OTUD7A: variants seen among roughly 807,000 people sequenced by gnomAD.
The protein encoded by OTUD7A is OTU deubiquitinase 7A, also known as OTU domain-containing protein 7A.
A neutral mutation model predicts 65.7 loss-of-function variants in OTUD7A; 12 were observed. The ratio of observed to expected loss-of-function variants is 0.18; its 90% confidence interval spans 0.12 to 0.30. OTUD7A has a LOEUF of 0.30. Ranked by LOEUF, OTUD7A falls within the 10% of genes least tolerant of loss-of-function variation. The probability of loss-of-function intolerance (pLI) is 1.00; values close to 1 mark genes in which losing one functional copy is unlikely to be tolerated. For synonymous variants in OTUD7A, 641 were observed against 586.3 expected (o/e 1.09, Z -1.35); for missense variants, 1,148 against 1,304.8 (o/e 0.88, Z 1.85).
intron 1 of OTUD7A, among the ~76,000 whole-genome samples, chr15:31,759,721 T>G (rs1424393064): frequency 6.6e-6 from 1 of 151,962 alleles, no homozygotes; most frequent in Non-Finnish European, 1.5e-5. Flanking sequence ...TAGTGCAGGG[T>G]TTTGCCATGT....
chr15:31,824,607 T>C (rs1896757676), intron 1 of OTUD7A, among the ~76,000 whole-genome samples: 1 of 152,240 alleles, frequency 6.6e-6, no homozygotes, highest in African/African-American at 2.4e-5. Context: ...CTCTTCGACA[T>C]AGTGATCGTC....
At chr15:31,835,796 A>G (rs559515799) in intron 1 of OTUD7A, among the ~76,000 whole-genome samples, 1 of 152,270 alleles carries the variant, frequency 6.6e-6, no homozygotes, top group East Asian at 1.9e-4. Context: ...ATGCATACAC[A>G]CATACACATA....
chr15:31,643,030 T>G lies in OTUD7A; in HGVS notation c.151+12066A>C, dbSNP rs981980321. ...GGTGTTTAACTTATACATTTTCTTATAGGTACTGTTTCCTTGAATCATTTT... is the reference window on the plus strand; with the variant it reads ...GGTGTTTAACTTATACATTTTCTTAGAGGTACTGTTTCCTTGAATCATTTT... On this transcript the variant is annotated intron_variant, in intron 3 of 12. Coordinates refer to ENST00000307050, the MANE Select transcript of OTUD7A (RefSeq NM_001382637.1). Among the ~76,000 whole-genome samples the G allele has an allele frequency of 1.4e-4, 22 of 152,312 alleles. 1 individual carries two copies. The highest frequency in any genetic ancestry group is 6.8e-3 in the Middle Eastern group (2 of 294).
At chr15:31,672,541 A>T (rs1892506839) in intron 1 of OTUD7A, among the ~76,000 whole-genome samples, 3 of 152,148 alleles carry the variant, frequency 2.0e-5, no homozygotes, top group African/African-American at 7.2e-5. Context: ...ACAGGCAACA[A>T]TTCCACAGGG....
intron 1 of OTUD7A, among the ~76,000 whole-genome samples, chr15:31,763,025 G>A (rs535726438): frequency 5.3e-5 from 8 of 152,308 alleles, no homozygotes; most frequent in African/African-American, 1.9e-4. Context: ...GCTCACGCCT[G>A]TAATCCCAAC....
intron 1 of OTUD7A, among the ~76,000 whole-genome samples, chr15:31,809,657 C>T (rs1033384575): frequency 6.6e-6 from 1 of 152,202 alleles, no homozygotes. Context: ...CAGCAGCCAC[C>T]TTGTGGCCAT....
intron 5 of OTUD7A, among the ~76,000 whole-genome samples, chr15:31,546,657 C>T (rs1010114981): frequency 2.6e-5 from 4 of 152,218 alleles, no homozygotes; most frequent in Non-Finnish European, 4.4e-5. Context: ...AAATTTCTGT[C>T]ATTTAAATCA....
chr15:31,673,644 T>C (rs1249531908), intron 1 of OTUD7A, among the ~76,000 whole-genome samples: 1 of 152,222 alleles, frequency 6.6e-6, no homozygotes, highest in African/African-American at 2.4e-5. Flanking sequence ...CAATGTGCCA[T>C]TGACAAGGGT....
In OTUD7A at chr15:31,484,239, C is replaced by A; in HGVS notation, c.1857G>T (p.Trp619Cys). 1 of 1,600,904 alleles carries A rather than the reference C, an allele frequency of 6.2e-7. No homozygotes were observed. The highest frequency in any genetic ancestry group is 8.5e-7 in the Non-Finnish European group (1 of 1,175,642). The change falls in exon 13 of 13, where the codon TGG becomes TGT. Residue 619 changes from tryptophan (W) to cysteine (C), a missense_variant. Physicochemically the swap from Trp to Cys is radical, Grantham distance 215. This residue lies in a region of OTUD7A where 842 missense variants were observed against 769.5 expected (regional missense o/e 1.09). Transcript: ENST00000307050. This position sits in a 1 kb window ranked among gnomAD's most constrained non-coding sequence, Gnocchi z 4.5. Reference sequence around the variant, plus strand: ...TCAGCTTCACATCCGTGCTGTACTTCCAGGCGTCGCCCCGCGGCCCACCGC... The same window carrying A: ...TCAGCTTCACATCCGTGCTGTACTTACAGGCGTCGCCCCGCGGCCCACCGC... ...EKGGGPRGDA[W>C]KYSTDVKLSL...
intron 8 of OTUD7A, among the ~76,000 whole-genome samples, chr15:31,513,311 G>A (rs373565245): frequency 2.8e-4 from 43 of 152,290 alleles, no homozygotes; most frequent in African/African-American, 1.0e-3. Context: ...CATCACCCTG[G>A]AAAGTTCTTG....
At chr15:31,800,844 C>G (rs1236970388) in intron 1 of OTUD7A, among the ~76,000 whole-genome samples, 1 of 152,124 alleles carries the variant, frequency 6.6e-6, no homozygotes, top group Non-Finnish European at 1.5e-5. Flanking sequence ...TTCTTGCTGA[C>G]AGCAGCCATG....
chr15:31,563,358 T>C (rs1341377385), intron 4 of OTUD7A, among the ~76,000 whole-genome samples: 3 of 152,178 alleles, frequency 2.0e-5, no homozygotes, highest in African/African-American at 4.8e-5. Context: ...GAAGGGGTGG[T>C]TCCTCTGGAG....
Position 31,482,100 on chromosome 15 carries a change from G to A in OTUD7A, c.*1194C>T, listed in dbSNP as rs150408741. On this transcript the variant is annotated 3_prime_UTR_variant, in exon 13 of 13. Coordinates refer to ENST00000307050, the MANE Select transcript of OTUD7A (RefSeq NM_001382637.1). ...GCATATTGCTGCTCAAAACAGGGTAGCTAAGGACACATTTTTTTTTTCCTC... is the reference window on the plus strand; with the variant it reads ...GCATATTGCTGCTCAAAACAGGGTAACTAAGGACACATTTTTTTTTTCCTC... 2 of 152,228 alleles carry A rather than the reference G, an allele frequency of 1.3e-5. No individual in the cohort carries two copies. The highest frequency in any genetic ancestry group is 2.9e-5 in the Non-Finnish European group (2 of 68,034). 9.4% of individuals were successfully genotyped at this position (152,228 alleles called of 1,614,324 possible). A position where few individuals can be genotyped will look rare whatever the true frequency, so the allele number is the denominator to read the frequency against.
chr15:31,797,077 G>A (rs988700952), intron 1 of OTUD7A, among the ~76,000 whole-genome samples: 4 of 152,114 alleles, frequency 2.6e-5, no homozygotes, highest in African/African-American at 9.7e-5. Flanking sequence ...GGGTGCGGGG[G>A]GAAGCAAAAT....
intron 1 of OTUD7A, among the ~76,000 whole-genome samples, chr15:31,675,240 G>A (rs1892570721): frequency 6.6e-6 from 1 of 152,162 alleles, no homozygotes. Context: ...GCCATCTTGG[G>A]TGCTTGGTTG....
chr15:31,521,451 C>A (rs1196779919), intron 8 of OTUD7A, among the ~76,000 whole-genome samples: 2 of 151,982 alleles, frequency 1.3e-5, no homozygotes, highest in African/African-American at 4.8e-5. Context: ...AGTGAGGACA[C>A]CTTACGTTAG....
intron 1 of OTUD7A, among the ~76,000 whole-genome samples, chr15:31,831,444 G>A (rs1236331390): frequency 4.6e-5 from 7 of 152,080 alleles, no homozygotes; most frequent in African/African-American, 1.2e-4. Context: ...CTTCAGCATC[G>A]TCAGATAACA....
chr15:31,557,769 G>A (rs1457061884), intron 5 of OTUD7A: 2 of 152,144 alleles, frequency 1.3e-5, no homozygotes, highest in African/African-American at 4.8e-5. Context: ...ACCAATATCA[G>A]AATCATACCA....
rs575374830 is a variant in OTUD7A, at chr15:31,786,482, G to A, written c.-100+84025C>T. 2.6e-5 allele frequency among the ~76,000 whole-genome samples: 4 copies of A among 152,278 alleles called. No individual in the cohort carries two copies. The South Asian group carries it at 8.3e-4, about 32-fold the overall frequency. On this transcript the variant is annotated intron_variant, in intron 1 of 12. Transcript: ENST00000307050. ...TGTGGCACGTCTGTGTGTGAGACAG[G>A]GTGTGTGCCTGGACAGGGTGTGGAT...
Sources: gnomAD v4.1 joint callset for allele counts (sites outside exome capture counted in the v4.1 genomes callset) on GRCh38, gnomAD v4.1.1 for gene constraint, gnomAD v4.1.1 regional missense constraint, Gnocchi (gnomAD v3.1) non-coding constraint, MANE v1.5 for transcripts, NCBI Gene and HGNC (gene_info 2026-07-23, HGNC 2026-07-21) for gene names.